The following EYS variants were observed in gnomAD, a reference collection of about 807,000 sequenced individuals.
EYS encodes the protein EGF-like photoreceptor maintenance factor.
In EYS, 250 loss-of-function variants were observed where a neutral mutation model predicts 282.1. The ratio of observed to expected loss-of-function variants is 0.89; its 90% confidence interval spans 0.80 to 0.98. The LOEUF (loss-of-function observed/expected upper bound fraction) is 0.98. Among genes scored for constraint, EYS ranks in the 50% least tolerant of loss-of-function variants. EYS has a pLI of 0.00. For synonymous variants in EYS, 1,355 were observed against 1,282.9 expected, an observed-to-expected ratio of 1.06 and a Z score of -1.20; for missense variants, 4,016 against 3,709.0, an observed-to-expected ratio of 1.08 and a Z score of -2.15.
chr6:64,374,398 G>A (rs1772497416), intron 29 of EYS, among the ~76,000 whole-genome samples: 1 of 151,588 alleles, frequency 6.6e-6, no homozygotes, highest in African/African-American at 2.4e-5. Flanking sequence ...CTGCTTCAGT[G>A]TAGAAGGCTG....
chr6:64,124,201 A>C (rs1773686342), intron 31 of EYS, among the ~76,000 whole-genome samples: 1 of 152,216 alleles, frequency 6.6e-6, no homozygotes, highest in African/African-American at 2.4e-5. Flanking sequence ...TGTTTTGGCA[A>C]GTTAGAAATA....
intron 19 of EYS, among the ~76,000 whole-genome samples, chr6:64,872,918 C>T (rs1364078295): frequency 6.6e-6 from 1 of 151,932 alleles, no homozygotes; most frequent in Non-Finnish European, 1.5e-5. Flanking sequence ...GATCAATATG[C>T]TCACATGATT....
At chr6:65,590,191 A>G (rs1314001828) in intron 2 of EYS, among the ~76,000 whole-genome samples, 1 of 152,062 alleles carries the variant, frequency 6.6e-6, no homozygotes, top group Non-Finnish European at 1.5e-5. Flanking sequence ...AAGCCAGGAA[A>G]GGGTAGCATG....
chr6:63,807,086 G>C (rs1483964141), intron 36 of EYS, among the ~76,000 whole-genome samples: 1 of 152,132 alleles, frequency 6.6e-6, no homozygotes, highest in East Asian at 1.9e-4. Flanking sequence ...ATTTAACTGA[G>C]GGTTGCTTCT....
intron 2 of EYS, among the ~76,000 whole-genome samples, chr6:65,591,155 C>A (rs768623365): frequency 6.6e-6 from 1 of 151,824 alleles, no homozygotes; most frequent in Non-Finnish European, 1.5e-5. Flanking sequence ...TATTTTTTGT[C>A]TTTTGATAAT....
intron 26 of EYS, among the ~76,000 whole-genome samples, chr6:64,446,610 TTA>T (rs1775125834): frequency 1.3e-5 from 2 of 152,094 alleles, no homozygotes; most frequent in Non-Finnish European, 2.9e-5. Context: ...ATATCAATTT[TTA>T]AAAATCAAGT....
intron 22 of EYS, among the ~76,000 whole-genome samples, chr6:64,676,692 T>A (rs1769698515): frequency 6.6e-6 from 1 of 152,200 alleles, no homozygotes; most frequent in Non-Finnish European, 1.5e-5. Context: ...TTATTACAGA[T>A]CTGGAGACAG....
At chr6:65,515,418 T>C (rs1562234947) in intron 2 of EYS, among the ~76,000 whole-genome samples, 1 of 152,128 alleles carries the variant, frequency 6.6e-6, no homozygotes, top group Non-Finnish European at 1.5e-5. Flanking sequence ...AAATACCATT[T>C]GACCCAGCCA....
rs956223217 is a variant in EYS at position 64,870,125 on chromosome 6, G to A, written c.2992+16572C>T. 2.6e-5 allele frequency among the ~76,000 whole-genome samples: 4 copies of A among 151,498 alleles called. No individual in the cohort carries two copies. The South Asian group carries it at 8.3e-4, about 31-fold the overall frequency. On this transcript the variant is annotated intron_variant, in intron 19 of 42. Transcript: ENST00000503581. ...TTTCTTAGATCACCGGATGGATAAT[G>A]GTTTCTTTACACAAGATGAGTAGGA...
At chr6:64,621,742 A>T (rs1202651528) in intron 23 of EYS, among the ~76,000 whole-genome samples, 1 of 152,198 alleles carries the variant, frequency 6.6e-6, no homozygotes, top group Non-Finnish European at 1.5e-5. Context: ...AGGGCAAAAC[A>T]TGCATTTGAA....
chr6:65,273,517 G>A (rs1342734406), intron 12 of EYS, among the ~76,000 whole-genome samples: 8 of 152,162 alleles, frequency 5.3e-5, no homozygotes, highest in South Asian at 2.1e-4. Context: ...AACACTCTCC[G>A]GAAAGGCAAG....
At chr6:64,069,726 C>A (rs1771504985) in intron 32 of EYS, among the ~76,000 whole-genome samples, 1 of 152,002 alleles carries the variant, frequency 6.6e-6, no homozygotes, top group South Asian at 2.1e-4. Flanking sequence ...GGTTCTCAAA[C>A]TCTTTGATCT....
chr6:65,336,392 A>G lies in EYS; in HGVS notation c.1600-1246T>C, dbSNP rs183359132. ...TTGATTTATGTCAAAATCATTTTTA[A>G]TAGTCAAATTGTTTATACTCAAATT... On this transcript the variant is annotated intron_variant, in intron 10 of 42. Coordinates refer to ENST00000503581, the MANE Select transcript of EYS (RefSeq NM_001142800.2). Among the ~76,000 whole-genome samples the G allele has an allele frequency of 5.9e-5, 9 of 151,852 alleles. No individual in the cohort carries two copies. The East Asian group carries it at 1.6e-3, about 26-fold the overall frequency.
chr6:64,548,766 C>T (rs1457017706), intron 26 of EYS, among the ~76,000 whole-genome samples: 2 of 152,002 alleles, frequency 1.3e-5, no homozygotes, highest in Non-Finnish European at 2.9e-5. Flanking sequence ...CAACATGGCA[C>T]ATGTATACAT....
intron 35 of EYS, among the ~76,000 whole-genome samples, chr6:63,917,566 A>G (rs1208211009): frequency 6.6e-6 from 1 of 152,242 alleles, no homozygotes; most frequent in Non-Finnish European, 1.5e-5. Context: ...CGTTTAGATA[A>G]ATGCATAACT....
At chr6:64,831,996 G>A (rs530147876) in intron 19 of EYS, among the ~76,000 whole-genome samples, 3 of 151,862 alleles carry the variant, frequency 2.0e-5, no homozygotes, top group Non-Finnish European at 4.4e-5. Context: ...GTGAAGAGAT[G>A]CAGAATATCT....
intron 26 of EYS, among the ~76,000 whole-genome samples, chr6:64,526,064 T>G (rs537668392): frequency 6.6e-6 from 1 of 151,994 alleles, no homozygotes; most frequent in Non-Finnish European, 1.5e-5. Flanking sequence ...AAAATTATGC[T>G]AAGTGAAAAA....
At chr6:65,433,173 A>G (rs1005889809) in intron 5 of EYS, among the ~76,000 whole-genome samples, 4 of 152,328 alleles carry the variant, frequency 2.6e-5, no homozygotes, top group East Asian at 1.9e-4. Flanking sequence ...TTTTAAATAT[A>G]TAAAACTAGA....
At chr6:64,792,527 ATT>A (rs1218876076) in intron 22 of EYS, among the ~76,000 whole-genome samples, 1 of 151,998 alleles carries the variant, frequency 6.6e-6, no homozygotes, top group African/African-American at 2.4e-5. Flanking sequence ...TGAAGAGTTA[ATT>A]TTTAAGATTA....
Sources: gnomAD v4.1 joint callset for allele counts (sites outside exome capture counted in the v4.1 genomes callset) on GRCh38, gnomAD v4.1.1 for gene constraint, MANE v1.5 for transcripts, NCBI Gene and HGNC (gene_info 2026-07-23, HGNC 2026-07-21) for gene names.